NDUFA1: variants seen among roughly 807,000 people sequenced by gnomAD.
NDUFA1 encodes the protein NADH dehydrogenase [ubiquinone] 1 alpha subcomplex subunit 1.
For synonymous variants in NDUFA1, 21 were observed against 20.0 expected (o/e 1.05, Z -0.14); for missense variants, 42 against 56.0 (o/e 0.75, Z 0.80).
intron 2 of NDUFA1, 138 bp from the exon 3 acceptor site, chrX:119,876,372 ATTGT>A: frequency 1.7e-6 from 1 of 588,544 alleles, no homozygotes; most frequent in Non-Finnish European, 3.0e-6. Flanking sequence ...AATCCAATGT[ATTGT>A]TGCAGTTAGA....
At chrX:119,874,103 A>G (rs188140484) in intron 2 of NDUFA1, among the ~76,000 whole-genome samples, 3 of 110,969 alleles carry the variant, frequency 2.7e-5, no homozygotes, top group East Asian at 2.8e-4. Flanking sequence ...GATTAACTTT[A>G]CTTTTTTCCA....
At chrX:119,875,899 G>A (rs1839131775) in intron 2 of NDUFA1, among the ~76,000 whole-genome samples, 1 of 111,498 alleles carries the variant, frequency 9.0e-6, no homozygotes, top group Non-Finnish European at 1.9e-5. Context: ...TCACTGAGGT[G>A]CTTTGTAAAA....
At chrX:119,875,650 A>G (rs2056434442) in intron 2 of NDUFA1, among the ~76,000 whole-genome samples, 1 of 110,632 alleles carries the variant, frequency 9.0e-6, no homozygotes. Context: ...TTGGTTGTCA[A>G]CTTAGTAAGA....
chrX:119,874,101 T>C (rs182666441), intron 2 of NDUFA1, among the ~76,000 whole-genome samples: 1 of 111,006 alleles, frequency 9.0e-6, no homozygotes, highest in East Asian at 2.8e-4. Flanking sequence ...AGGATTAACT[T>C]TACTTTTTTC....
Position 119,873,045 on chromosome X carries a change from CT to C in NDUFA1, c.103-244del, listed in dbSNP as rs373911727. Among the ~76,000 whole-genome samples, 238 of 81,852 alleles carry C rather than the reference CT, an allele frequency of 2.9e-3. 1 individual carries two copies. The highest frequency in any genetic ancestry group is 6.5e-3 in the Middle Eastern group (1 of 153). The allele number at this position is 81,852 out of a possible 115,157, so 71.1% of individuals were successfully genotyped here. A position where few individuals can be genotyped will look rare whatever the true frequency, so the allele number is the denominator to read the frequency against. On this transcript the variant is annotated intron_variant, in intron 1 of 2. Coordinates refer to ENST00000371437, the MANE Select transcript of NDUFA1 (RefSeq NM_004541.4). ...CCCAAAAGACAACAACTAGATATTTCTTTTTTTTTTTTTTTAAAAAAAAAGG... is the reference window on the plus strand; with the variant it reads ...CCCAAAAGACAACAACTAGATATTTCTTTTTTTTTTTTTTAAAAAAAAAGG...
At chrX:119,875,804 T>TA (rs1028309518) in intron 2 of NDUFA1, among the ~76,000 whole-genome samples, 6 of 110,868 alleles carry the variant, frequency 5.4e-5, no homozygotes, top group African/African-American at 1.3e-4. Flanking sequence ...TCCTCATTTG[T>TA]AAAAAAAATG....
At chrX:119,876,460 A>C (rs899967625) in intron 2 of NDUFA1, 54 bp from the exon 3 acceptor site, 1 of 1,160,380 alleles carries the variant, frequency 8.6e-7, no homozygotes, top group African/African-American at 1.8e-5. Context: ...AGTACATGGC[A>C]TATCTTTGAT....
chrX:119,875,513 T>C (rs2056433942), intron 2 of NDUFA1, among the ~76,000 whole-genome samples: 1 of 109,220 alleles, frequency 9.2e-6, no homozygotes, highest in Admixed American at 9.9e-5. Context: ...GGTTTCACCA[T>C]CTTGGCCAGG....
chrX:119,872,945 A>G (rs1340025609), intron 1 of NDUFA1, among the ~76,000 whole-genome samples: 1 of 110,168 alleles, frequency 9.1e-6, no homozygotes, highest in Non-Finnish European at 1.9e-5. Context: ...TCAAGAGTAC[A>G]GGATATAAAT....
chrX:119,874,984 T>C (rs1310751552), intron 2 of NDUFA1, among the ~76,000 whole-genome samples: 2 of 112,260 alleles, frequency 1.8e-5, no homozygotes, highest in African/African-American at 6.5e-5. Flanking sequence ...AAGTAAATAG[T>C]ATTTCCATTT....
intron 2 of NDUFA1, among the ~76,000 whole-genome samples, chrX:119,875,809 A>C (rs2056434883): frequency 9.0e-6 from 1 of 111,429 alleles, no homozygotes; most frequent in South Asian, 3.7e-4. Context: ...ATTTGTAAAA[A>C]AAATGGAATG....
At chrX:119,875,736 C>G (rs1485265366) in intron 2 of NDUFA1, among the ~76,000 whole-genome samples, 2 of 111,700 alleles carry the variant, frequency 1.8e-5, no homozygotes, top group Admixed American at 1.9e-4. Context: ...TGAATTCTGG[C>G]TCTGCTAATT....
chrX:119,872,623 AAAAT>A (rs2056418935), intron 1 of NDUFA1, among the ~76,000 whole-genome samples: 2 of 110,047 alleles, frequency 1.8e-5, no homozygotes, highest in Non-Finnish European at 3.8e-5. Flanking sequence ...GTCTCAAAAA[AAAAT>A]AAATAAAGAA....
Position 119,874,659 on chromosome X carries a change from C to T in NDUFA1, c.192+1266C>T, listed in dbSNP as rs182460219. ...GCAACCCCCGCCTCCCGGGTTCAAG[C>T]GATTCTTGTGCCTCAGCCTCCTGAG... On this transcript the variant is annotated intron_variant, in intron 2 of 2. Transcript: ENST00000371437. Among the ~76,000 whole-genome samples the T allele has an allele frequency of 2.1e-3, 238 of 111,226 alleles. 1 individual carries two copies. Among genetic ancestry groups the T allele is most frequent in the African/African-American group, 7.0e-3 (213 of 30,623 alleles).
Position 119,873,366 on chromosome X carries a change from T to C in NDUFA1, c.165T>C (p.Ser55=), listed in dbSNP as rs2056423814. 1 of 1,208,501 alleles carries C rather than the reference T, an allele frequency of 8.3e-7. No homozygotes were observed. ...WSLMERDRRI[S]GVDRYYVSKG... ...TGATGGAAAGAGATAGGCGCATCTC[T>C]GGAGTTGATCGTTACTATGTGTCAA... The change falls in exon 2 of 3, where the codon TCT becomes TCC. Residue 55 remains serine, a synonymous_variant. Coordinates refer to ENST00000371437, the MANE Select transcript of NDUFA1 (RefSeq NM_004541.4).
At chrX:119,873,071 G>GA (rs201390495) in intron 1 of NDUFA1, among the ~76,000 whole-genome samples, 6 of 101,485 alleles carry the variant, frequency 5.9e-5, no homozygotes, top group African/African-American at 1.5e-4. Flanking sequence ...AAAAAAAAAG[G>GA]AAAAAAAATT....
intron 1 of NDUFA1, 104 bp from the exon 2 acceptor site, chrX:119,873,200 C>T (rs865922673): frequency 8.0e-6 from 5 of 627,290 alleles, no homozygotes; most frequent in Middle Eastern, 3.1e-4. Flanking sequence ...TTTATTTAAA[C>T]GATGATTCCA....
intron 2 of NDUFA1, 63 bp downstream of exon 2, chrX:119,873,456 C>A: frequency 1.1e-6 from 1 of 918,505 alleles, no homozygotes; most frequent in Non-Finnish European, 1.6e-6. Context: ...TAATGCCTTG[C>A]CAAGGGTCAT....
At chrX:119,875,290 C>T (rs1216211286) in intron 2 of NDUFA1, among the ~76,000 whole-genome samples, 2 of 105,878 alleles carry the variant, frequency 1.9e-5, no homozygotes, top group Non-Finnish European at 1.9e-5. Context: ...TATTTAATAC[C>T]TAGAAGAAGT....
Sources: allele counts gnomAD v4.1 joint callset (sites outside exome capture counted in the v4.1 genomes callset), GRCh38; gene constraint gnomAD v4.1.1; transcripts MANE v1.5; gene names NCBI Gene and HGNC (gene_info 2026-07-23, HGNC 2026-07-21).